RBFOX1: variants seen among roughly 807,000 people sequenced by gnomAD.
RBFOX1 encodes RNA binding fox-1 homolog 1.
Under a neutral mutation model 57.7 loss-of-function variants are expected in RBFOX1, and 8 were observed. The observed-to-expected ratio is 0.14, with a 90% CI of 0.08 to 0.25. RBFOX1 has a LOEUF of 0.25. Ranked by LOEUF, RBFOX1 falls within the 10% of genes least tolerant of loss-of-function variation. The pLI is 1.00. For synonymous variants in RBFOX1, 326 were observed against 222.4 expected (o/e 1.47, Z -4.15); for missense variants, 611 against 548.5 (o/e 1.11, Z -1.14).
At chr16:6,636,918 A>T (rs1416785156) in intron 2 of RBFOX1, among the ~76,000 whole-genome samples, 4 of 129,718 alleles carry the variant, frequency 3.1e-5, no homozygotes, top group African/African-American at 1.2e-4. Context: ...ACATATATGT[A>T]TAAATTATGT....
At chr16:6,195,060 G>A (rs759801066) in intron 1 of RBFOX1, among the ~76,000 whole-genome samples, 67 of 152,144 alleles carry the variant, frequency 4.4e-4, no homozygotes, top group African/African-American at 6.7e-4. Flanking sequence ...TTTCAGATAC[G>A]GAATCAGAGA....
At chr16:6,773,134 G>T (rs2078662741) in intron 3 of RBFOX1, among the ~76,000 whole-genome samples, 1 of 113,976 alleles carries the variant, frequency 8.8e-6, no homozygotes, top group African/African-American at 3.4e-5. Flanking sequence ...TGGGGTGTGG[G>T]GTGCATTTGT....
At chr16:5,651,920 G>A (rs61534084) in intron 3 of RBFOX1, among the ~76,000 whole-genome samples, 7,305 of 152,248 alleles carry the variant, frequency 0.048, 584 homozygotes, top group African/African-American at 0.17. Flanking sequence ...ATCGCTTGAG[G>A]TCAGGAGTTC....
intron 4 of RBFOX1, among the ~76,000 whole-genome samples, chr16:6,009,802 A>ATGTGTGTGTGTTTC (rs1555469408): frequency 5.1e-5 from 3 of 58,562 alleles, no homozygotes; most frequent in Non-Finnish European, 9.6e-5. Flanking sequence ...CAGTGTGTGT[A>ATGTGTGTGTGTTTC]TGTGTGTGTG....
intron 4 of RBFOX1, among the ~76,000 whole-genome samples, chr16:7,394,885 G>C (rs1473312095): frequency 6.6e-6 from 1 of 151,998 alleles, no homozygotes; most frequent in African/African-American, 2.4e-5. Flanking sequence ...CACCCTCCTT[G>C]CCGTCCCCTG....
chr16:6,535,853 T>C (rs763617572), intron 2 of RBFOX1, among the ~76,000 whole-genome samples: 1 of 152,240 alleles, frequency 6.6e-6, no homozygotes, highest in Non-Finnish European at 1.5e-5. Context: ...TTTTTCTCAA[T>C]AGTGGCAATG....
rs537408164 is a variant in RBFOX1 at position 7,477,250 on chromosome 16, T to C, written c.28-40897T>C. Among the ~76,000 whole-genome samples, 39 of 152,300 alleles carry C rather than the reference T, an allele frequency of 2.6e-4. 1 individual carries two copies. The highest frequency in any genetic ancestry group is 9.4e-4 in the African/African-American group (39 of 41,572). On this transcript the variant is annotated intron_variant, in intron 4 of 15. Coordinates refer to ENST00000550418, the MANE Select transcript of RBFOX1 (RefSeq NM_018723.4). ...TAGAAATAAGACATCGATGCAAATA[T>C]GGTTCATCCACCGGCAATGAGACAC...
At chr16:7,699,843 C>T (rs1014992214) in intron 14 of RBFOX1, among the ~76,000 whole-genome samples, 1 of 151,800 alleles carries the variant, frequency 6.6e-6, no homozygotes. Context: ...CCACATTTTT[C>T]ATTTGGCTCA....
chr16:5,594,951 G>T (rs2151192504), intron 2 of RBFOX1, among the ~76,000 whole-genome samples: 1 of 136,266 alleles, frequency 7.3e-6, no homozygotes, highest in African/African-American at 2.8e-5. Context: ...GGCCAACATG[G>T]TAAAACCCTG....
intron 1 of RBFOX1, among the ~76,000 whole-genome samples, chr16:5,359,383 G>C (rs1442200941): frequency 6.6e-6 from 1 of 152,294 alleles, no homozygotes; most frequent in African/African-American, 2.4e-5. Context: ...TTTCTGAGGA[G>C]CCTCCAAACT....
chr16:6,948,808 C>A (rs533018146), intron 3 of RBFOX1, among the ~76,000 whole-genome samples: 2 of 152,252 alleles, frequency 1.3e-5, no homozygotes, highest in African/African-American at 4.8e-5. Context: ...ATAATTTTAG[C>A]CTAAATCCTA....
At chr16:6,198,499 T>C (rs1390347351) in intron 1 of RBFOX1, among the ~76,000 whole-genome samples, 1 of 152,224 alleles carries the variant, frequency 6.6e-6, no homozygotes, top group Non-Finnish European at 1.5e-5. Flanking sequence ...GCTTTTGCGA[T>C]GAGTTATCTC....
intron 3 of RBFOX1, among the ~76,000 whole-genome samples, chr16:5,761,607 G>A (rs889161561): frequency 4.0e-4 from 61 of 152,046 alleles, no homozygotes; most frequent in African/African-American, 1.3e-3. Context: ...ATCAGATCTC[G>A]TGAGAACTCA....
At chr16:5,581,681 G>A (rs867972093) in intron 2 of RBFOX1, among the ~76,000 whole-genome samples, 1 of 152,292 alleles carries the variant, frequency 6.6e-6, no homozygotes, top group South Asian at 2.1e-4. Flanking sequence ...AATGGGAACA[G>A]GGAACTCTCC....
intron 4 of RBFOX1, among the ~76,000 whole-genome samples, chr16:7,453,992 G>T (rs1276624015): frequency 6.6e-6 from 1 of 152,184 alleles, no homozygotes; most frequent in Non-Finnish European, 1.5e-5. Flanking sequence ...CAGCAGTTTG[G>T]GAGGCCAAGA....
intron 3 of RBFOX1, among the ~76,000 whole-genome samples, chr16:6,901,951 G>T (rs2068605272): frequency 6.6e-6 from 1 of 152,050 alleles, no homozygotes; most frequent in Admixed American, 6.5e-5. Flanking sequence ...TCAGAAAAAT[G>T]GCACCTTCAG....
At chr16:6,890,223 T>A (rs1281135513) in intron 3 of RBFOX1, among the ~76,000 whole-genome samples, 1 of 152,108 alleles carries the variant, frequency 6.6e-6, no homozygotes, top group Non-Finnish European at 1.5e-5. Flanking sequence ...AATATTGTTA[T>A]GAAAACCTAA....
rs1471332672 is a variant in RBFOX1 at position 6,171,313 on chromosome 16, A to G, written c.-126-145682A>G. Among the ~76,000 whole-genome samples the G allele has an allele frequency of 3.3e-5, 5 of 152,232 alleles. No homozygotes were observed. The East Asian group carries it at 7.7e-4, about 23-fold the overall frequency. ...CAAGGTTTTGTAGTCCAGCCGCACC[A>G]CAACAGGTTTTCATGCATCCCCTAT... is the stretch of plus-strand genomic sequence containing the variant. On this transcript the variant is annotated intron_variant, in intron 1 of 15. Coordinates refer to ENST00000550418, the MANE Select transcript of RBFOX1 (RefSeq NM_018723.4).
intron 2 of RBFOX1, among the ~76,000 whole-genome samples, chr16:5,590,545 C>T (rs7195747): frequency 0.2 from 30,027 of 152,074 alleles, 3,328 homozygotes; most frequent in East Asian, 0.32. Context: ...GCTGCATGCT[C>T]TTGGCTGCCG....
Sources: gnomAD v4.1 joint callset for allele counts (sites outside exome capture counted in the v4.1 genomes callset) on GRCh38, gnomAD v4.1.1 for gene constraint, MANE v1.5 for transcripts, NCBI Gene and HGNC (gene_info 2026-07-23, HGNC 2026-07-21) for gene names.